The following CDCA3 variants were observed in gnomAD, a reference collection of about 807,000 sequenced individuals.
CDCA3 encodes the protein cell division cycle associated 3, also known as cell division cycle-associated protein 3.
CDCA3 carries 16 observed loss-of-function variants against 29.1 expected under a neutral mutation model. That is an observed-to-expected ratio of 0.55 (90% CI 0.37 to 0.83). CDCA3 has a LOEUF of 0.83. Among genes scored for constraint, CDCA3 ranks in the 40% least tolerant of loss-of-function variants. CDCA3 has a pLI of 0.00. For missense variants in CDCA3, 291 were observed against 327.2 expected, an observed-to-expected ratio of 0.89 and a Z score of 0.85; for synonymous variants, 88 against 124.5, an observed-to-expected ratio of 0.71 and a Z score of 1.95.
chr12:6,850,364 G>C lies in CDCA3; in HGVS notation c.250+103C>G, dbSNP rs1565524857. The C allele has an allele frequency of 3.5e-6, 5 of 1,441,516 alleles. No homozygotes were observed. The highest frequency in any genetic ancestry group is 2.1e-4 in the Middle Eastern group (1 of 4,816). 89.3% of individuals were successfully genotyped at this position (1,441,516 alleles called of 1,614,324 possible). On this transcript the variant is annotated intron_variant, in intron 3 of 5. Coordinates refer to ENST00000538862, the MANE Select transcript of CDCA3 (RefSeq NM_031299.7). The surrounding 1 kb of genome is among the most constrained non-coding windows in gnomAD (Gnocchi z 4.7). ...AGAGTGAGATGGGTCCGAAGCAGGA[G>C]GATAGAGGCCCCTTTAAGGAACCCT...
chr12:6,845,331 T>A, downstream of CDCA3: 1 of 475,100 alleles, frequency 2.1e-6, no homozygotes, highest in South Asian at 2.8e-5. Context: ...CAAGCCTTGG[T>A]GCTCTTGCCT....
Position 6,851,208 on chromosome 12 carries a change from T to C in CDCA3, c.-58+14A>G. Reference sequence around the variant, plus strand: ...GCCCTCTAACTTATTTATTAAATTATTCAAATCACTTACCGGGCCCCAATT... The same window carrying C: ...GCCCTCTAACTTATTTATTAAATTACTCAAATCACTTACCGGGCCCCAATT... On this transcript the variant is annotated intron_variant, in intron 1 of 5. Coordinates refer to ENST00000538862, the MANE Select transcript of CDCA3 (RefSeq NM_031299.7). 4 of 1,284,772 alleles carry C rather than the reference T, an allele frequency of 3.1e-6. No individual in the cohort carries two copies. Among genetic ancestry groups the C allele is most frequent in the Non-Finnish European group, 3.9e-6 (4 of 1,015,174 alleles). The allele number at this position is 1,284,772 out of a possible 1,614,324, so 79.6% of individuals were successfully genotyped here. A position where few individuals can be genotyped will look rare whatever the true frequency, so the allele number is the denominator to read the frequency against.
At chr12:6,845,482 G>T, downstream of CDCA3, 1 of 735,206 alleles carries the variant, frequency 1.4e-6, no homozygotes, top group South Asian at 1.6e-5. Context: ...GGGAGGCTGA[G>T]AGCAGCGGCT....
downstream of CDCA3, chr12:6,846,686 CAT>C (rs538169242): frequency 2.3e-4 from 144 of 634,520 alleles, no homozygotes; most frequent in African/African-American, 3.0e-3. Flanking sequence ...CACACACCCA[CAT>C]ACACACACAC....
At chr12:6,846,188 C>T (rs1943693222), downstream of CDCA3, 2 of 234,568 alleles carry the variant, frequency 8.5e-6, no homozygotes, top group South Asian at 7.1e-5. Context: ...CTGACTGCAG[C>T]CTAGGGCTCA....
rs1565524822 is a variant in CDCA3, at chr12:6,850,340, G to T, written c.250+127C>A. 3 of 1,235,018 alleles carry T rather than the reference G, an allele frequency of 2.4e-6. No individual in the cohort carries two copies. Among genetic ancestry groups the T allele is most frequent in the African/African-American group, 3.0e-5 (2 of 66,658 alleles). 76.5% of individuals were successfully genotyped at this position (1,235,018 alleles called of 1,614,324 possible). Reference sequence around the variant, plus strand: ...GGCTGGGAACAAAATATTGAGATAAGAGTGAGATGGGTCCGAAGCAGGAGG... The same window carrying T: ...GGCTGGGAACAAAATATTGAGATAATAGTGAGATGGGTCCGAAGCAGGAGG... On this transcript the variant is annotated intron_variant, in intron 3 of 5. Transcript: ENST00000538862. This position sits in a 1 kb window ranked among gnomAD's most constrained non-coding sequence, Gnocchi z 4.7.
chr12:6,845,799 G>A (rs2137991977), downstream of CDCA3: 2 of 1,610,752 alleles, frequency 1.2e-6, no homozygotes, highest in Non-Finnish European at 1.7e-6. Flanking sequence ...GTCTGAGCGT[G>A]TGGGTAAGGG....
downstream of CDCA3, chr12:6,846,701 C>CCACACA: frequency 5.9e-6 from 4 of 683,578 alleles, no homozygotes; most frequent in South Asian, 3.3e-5. Flanking sequence ...ACACACACAC[C>CCACACA]CACACACCCA....
downstream of CDCA3, chr12:6,846,869 T>C: frequency 2.5e-6 from 4 of 1,595,578 alleles, no homozygotes; most frequent in Non-Finnish European, 2.6e-6. Flanking sequence ...CACAGGTTCC[T>C]GGGACAGCTT....
At chr12:6,845,833 A>G (rs782760944), downstream of CDCA3, 2 of 1,513,002 alleles carry the variant, frequency 1.3e-6, no homozygotes, top group East Asian at 4.5e-5. Context: ...CTGCTTCCTC[A>G]GCTGGAAGGA....
At chr12:6,846,991 G>C (rs782259618), downstream of CDCA3, 4 of 738,554 alleles carry the variant, frequency 5.4e-6, no homozygotes, top group Admixed American at 4.2e-5. Context: ...TCTATATTCC[G>C]GGTGCCATTC....
At position 6,851,254 on chromosome 12, in the gene CDCA3, G is replaced by A. The variant is rs1335483160; in HGVS notation, c.-90C>T. The stretch of plus-strand genomic sequence containing the variant: ...CAATTCCACCTCTGGATGCACAACA[G>A]CTCGTGGCTCAACTCCCGAAGTTAC... On this transcript the variant is annotated 5_prime_UTR_variant, in exon 1 of 6. Transcript: ENST00000538862. 1.7e-6 allele frequency: 2 copies of A among 1,158,166 alleles called. No individual in the cohort carries two copies. The highest frequency in any genetic ancestry group is 2.6e-5 in the South Asian group (1 of 39,040). The allele number at this position is 1,158,166 out of a possible 1,614,324, so 71.7% of individuals were successfully genotyped here. A position where few individuals can be genotyped will look rare whatever the true frequency, so the allele number is the denominator to read the frequency against.
In CDCA3 at chr12:6,849,879, G is replaced by T; in HGVS notation, c.251-21C>A. 1 of 1,504,272 alleles carries T rather than the reference G, an allele frequency of 6.6e-7. No homozygotes were observed. The highest frequency in any genetic ancestry group is 1.4e-5 in the African/African-American group (1 of 71,522). 93.2% of individuals were successfully genotyped at this position (1,504,272 alleles called of 1,614,324 possible). On this transcript the variant is annotated intron_variant, in intron 3 of 5. Transcript: ENST00000538862. This position sits in a 1 kb window ranked among gnomAD's most constrained non-coding sequence, Gnocchi z 5.2. Reference sequence around the variant, plus strand: ...GGGGTCTAGAGGAAGAAAGTGAAGTGAACAGTGACCTTCTGATACACAACA... The same window carrying T: ...GGGGTCTAGAGGAAGAAAGTGAAGTTAACAGTGACCTTCTGATACACAACA...
At chr12:6,846,896 TGAG>T, downstream of CDCA3, 1 of 1,563,046 alleles carries the variant, frequency 6.4e-7, no homozygotes, top group Non-Finnish European at 8.7e-7. Context: ...AATCTGGAAC[TGAG>T]GAGGCTGGAG....
At chr12:6,846,131 C>T (rs1210170420), downstream of CDCA3, 2 of 331,936 alleles carry the variant, frequency 6.0e-6, no homozygotes, top group Non-Finnish European at 1.1e-5. Context: ...CTCAGGGAAA[C>T]ATGGAATCAA....
chr12:6,846,708 C>CCCACACAT, downstream of CDCA3: 1 of 740,460 alleles, frequency 1.4e-6, no homozygotes, highest in Non-Finnish European at 2.4e-6. Flanking sequence ...CACCCACACA[C>CCCACACAT]CCACACATAC....
downstream of CDCA3, chr12:6,845,669 G>C (rs1943678476): frequency 1.2e-6 from 2 of 1,613,944 alleles, no homozygotes; most frequent in Admixed American, 1.7e-5. Flanking sequence ...ACCAGGAGCT[G>C]ATCTGCTTCT....
downstream of CDCA3, chr12:6,845,525 C>T (rs782355827): frequency 2.4e-5 from 28 of 1,147,708 alleles, no homozygotes; most frequent in African/African-American, 6.0e-5. Context: ...AGGCAGAGGG[C>T]GGGAGAGGCT....
Position 6,850,422 on chromosome 12 carries a change from T to A in CDCA3, c.250+45A>T, listed in dbSNP as rs782548777. 5 of 1,612,478 alleles carry A rather than the reference T, an allele frequency of 3.1e-6. No homozygotes were observed. The highest frequency in any genetic ancestry group is 4.2e-6 in the Non-Finnish European group (5 of 1,178,792). On this transcript the variant is annotated intron_variant, in intron 3 of 5. Transcript: ENST00000538862. The surrounding 1 kb of genome is among the most constrained non-coding windows in gnomAD (Gnocchi z 4.7). ...TGGCTTCATGGACCCTACCCAAGAA[T>A]AATAGATGACAGCTTCATCAGCATT...
Sources: allele counts gnomAD v4.1 joint callset, GRCh38; gene constraint gnomAD v4.1.1; non-coding constraint Gnocchi (gnomAD v3.1); transcripts MANE v1.5; gene names NCBI Gene and HGNC (gene_info 2026-07-23, HGNC 2026-07-21).